The following RTN4IP1 variants were observed in gnomAD, a reference collection of about 807,000 sequenced individuals.
The protein encoded by RTN4IP1 is reticulon 4 interacting protein 1.
In RTN4IP1, 32 loss-of-function variants were observed where a neutral mutation model predicts 46.6. That is an observed-to-expected ratio of 0.69 (90% CI 0.52 to 0.92). RTN4IP1 has a LOEUF of 0.92. Among genes scored for constraint, RTN4IP1 ranks in the 40% least tolerant of loss-of-function variants. The pLI is 0.00. For missense variants in RTN4IP1, 424 were observed against 485.8 expected (o/e 0.87, Z 1.20); for synonymous variants, 167 against 161.8 (o/e 1.03, Z -0.24).
chr6:106,597,648 T>C (rs536288727), intron 5 of RTN4IP1, among the ~76,000 whole-genome samples: 1 of 152,078 alleles, frequency 6.6e-6, no homozygotes, highest in South Asian at 2.1e-4. Flanking sequence ...CAGCCTATCT[T>C]TTTGTTTCTT....
intron 8 of RTN4IP1, among the ~76,000 whole-genome samples, chr6:106,577,251 A>G (rs570598110): frequency 3.4e-4 from 52 of 152,174 alleles, no homozygotes; most frequent in African/African-American, 1.2e-3. Flanking sequence ...CTTGGGCAAC[A>G]TGGCAAAACC....
At chr6:106,612,713 C>CT (rs1776257289) in intron 4 of RTN4IP1, among the ~76,000 whole-genome samples, 3 of 152,244 alleles carry the variant, frequency 2.0e-5, no homozygotes, top group African/African-American at 7.2e-5. Context: ...ATTCCATCAC[C>CT]TGCTCCACCA....
Sources: allele counts gnomAD v4.1 joint callset (sites outside exome capture counted in the v4.1 genomes callset), GRCh38; gene constraint gnomAD v4.1.1; transcripts MANE v1.5; gene names NCBI Gene and HGNC (gene_info 2026-07-23, HGNC 2026-07-21).